Variants in PCDH15 observed in about 807,000 individuals in gnomAD.
PCDH15 encodes protocadherin-15.
A neutral mutation model predicts 178.5 loss-of-function variants in PCDH15; 129 were observed. The observed-to-expected ratio is 0.72, with a 90% CI of 0.63 to 0.84. PCDH15 has a LOEUF of 0.84. Ranked by LOEUF, PCDH15 falls within the 40% of genes least tolerant of loss-of-function variation. PCDH15 has a pLI of 0.00. For synonymous variants in PCDH15, 800 were observed against 732.0 expected (o/e 1.09, Z -1.50); for missense variants, 2,230 against 2,099.9 (o/e 1.06, Z -1.21).
chr10:55,404,828 A>G (rs1446479424), intron 2 of PCDH15, among the ~76,000 whole-genome samples: 1 of 151,864 alleles, frequency 6.6e-6, no homozygotes, highest in East Asian at 1.9e-4. Context: ...AACCTAAATA[A>G]AAGCCTAAAG....
At chr10:53,946,900 C>A (rs919498022) in intron 23 of PCDH15, among the ~76,000 whole-genome samples, 1 of 152,142 alleles carries the variant, frequency 6.6e-6, no homozygotes, top group African/African-American at 2.4e-5. Context: ...CCTCAGCCTC[C>A]TGAGTAGCTG....
intron 2 of PCDH15, among the ~76,000 whole-genome samples, chr10:55,147,463 AT>A (rs34741501): frequency 2.1e-5 from 3 of 140,632 alleles, no homozygotes; most frequent in East Asian, 2.1e-4. Context: ...TTTAAAAAAA[AT>A]TTTTTTGGAA....
At chr10:53,905,964 T>C (rs191272163) in intron 25 of PCDH15, among the ~76,000 whole-genome samples, 2 of 151,994 alleles carry the variant, frequency 1.3e-5, no homozygotes, top group Non-Finnish European at 2.9e-5. Context: ...CTCAAGAACA[T>C]TGTTTAGACT....
At chr10:54,382,528 TA>T (rs1039725844) in intron 3 of PCDH15, among the ~76,000 whole-genome samples, 3 of 152,160 alleles carry the variant, frequency 2.0e-5, no homozygotes, top group African/African-American at 7.2e-5. Flanking sequence ...GACATGCTTC[TA>T]CCCCAAAGAA....
At chr10:53,874,795 CTG>C (rs2080108154) in intron 26 of PCDH15, among the ~76,000 whole-genome samples, 2 of 151,788 alleles carry the variant, frequency 1.3e-5, no homozygotes, top group Admixed American at 1.3e-4. Context: ...TTAGTAGACA[CTG>C]AATATAAAGC....
chr10:54,728,155 T>C (rs1942841079), intron 1 of PCDH15, among the ~76,000 whole-genome samples: 2 of 151,470 alleles, frequency 1.3e-5, no homozygotes, highest in African/African-American at 4.8e-5. Flanking sequence ...CTAATTACTG[T>C]GGTGAATGTA....
At chr10:54,748,446 A>G (rs1175262040) in intron 1 of PCDH15, among the ~76,000 whole-genome samples, 1 of 152,172 alleles carries the variant, frequency 6.6e-6, no homozygotes, top group African/African-American at 2.4e-5. Flanking sequence ...GATGTAGTAA[A>G]GAGTATTTAA....
At chr10:54,166,333 T>A (rs142428078) in intron 13 of PCDH15, among the ~76,000 whole-genome samples, 1 of 152,212 alleles carries the variant, frequency 6.6e-6, no homozygotes, top group Non-Finnish European at 1.5e-5. Flanking sequence ...CAAAATATAG[T>A]CAACTCCTTG....
At chr10:54,545,182 T>C (rs942024936) in intron 2 of PCDH15, among the ~76,000 whole-genome samples, 9 of 152,206 alleles carry the variant, frequency 5.9e-5, no homozygotes, top group African/African-American at 2.2e-4. Flanking sequence ...TTACAGTAGA[T>C]ATAAGAATTC....
chr10:54,099,862 C>T (rs1328507119), intron 15 of PCDH15, among the ~76,000 whole-genome samples: 2 of 151,954 alleles, frequency 1.3e-5, no homozygotes, highest in Non-Finnish European at 2.9e-5. Context: ...AAAAGTAATC[C>T]AGGTCTAGTA....
At chr10:53,818,524 C>A (rs1262766017) in intron 33 of PCDH15, 1 of 152,008 alleles carries the variant, frequency 6.6e-6, no homozygotes, top group African/African-American at 2.4e-5. Flanking sequence ...AAACTATTGG[C>A]TGTCCTTGCA....
chr10:54,905,759 G>T (rs1337809395), intron 2 of PCDH15, among the ~76,000 whole-genome samples: 1 of 152,088 alleles, frequency 6.6e-6, no homozygotes, highest in Non-Finnish European at 1.5e-5. Context: ...CAGGGGTTGA[G>T]ATCTCTGAGT....
At chr10:55,267,638 A>G (rs1250970498) in intron 1 of PCDH15, among the ~76,000 whole-genome samples, 2 of 152,212 alleles carry the variant, frequency 1.3e-5, no homozygotes, top group African/African-American at 4.8e-5. Flanking sequence ...GTCCCTTTTC[A>G]TATTTATTCA....
chr10:54,478,262 G>T (rs1002488487), intron 3 of PCDH15, among the ~76,000 whole-genome samples: 6 of 151,976 alleles, frequency 3.9e-5, no homozygotes, highest in Admixed American at 3.9e-4. Flanking sequence ...TGCAGATTTG[G>T]ATATTTTTTA....
intron 34 of PCDH15, 105 bp from the exon 35 acceptor site, chr10:53,816,382 G>C: frequency 2.5e-6 from 1 of 395,788 alleles, no homozygotes; most frequent in Non-Finnish European, 4.5e-6. Context: ...TTTAAAACGT[G>C]TTTCCTTGGG....
At chr10:55,486,641 T>C (rs943372586) in intron 2 of PCDH15, among the ~76,000 whole-genome samples, 2 of 151,562 alleles carry the variant, frequency 1.3e-5, no homozygotes, top group African/African-American at 4.8e-5. Context: ...CCTAGGCTTG[T>C]ATAGGCTCAT....
chr10:54,309,703 G>C (rs911086563), intron 8 of PCDH15, among the ~76,000 whole-genome samples: 6 of 151,918 alleles, frequency 3.9e-5, no homozygotes, highest in African/African-American at 1.5e-4. Flanking sequence ...GGCTGAGAGA[G>C]GAGAATCACT....
rs12779653 is a variant in PCDH15, at chr10:54,171,822, T to C, written c.1590+11622A>G. 6.5e-3 allele frequency among the ~76,000 whole-genome samples: 980 copies of C among 151,904 alleles called. 12 individuals are homozygous for C. Among genetic ancestry groups the C allele is most frequent in the Non-Finnish European group, 7.4e-3 (500 of 67,986 alleles). Reference sequence around the variant, plus strand: ...ACCGTATCCAGGCCATCACCAATCATTCTATATGACAAATGTTTCTTCTAA... The same window carrying C: ...ACCGTATCCAGGCCATCACCAATCACTCTATATGACAAATGTTTCTTCTAA... On this transcript the variant is annotated intron_variant, in intron 13 of 37. Coordinates refer to ENST00000644397, the MANE Select transcript of PCDH15 (RefSeq NM_001384140.1).
At chr10:55,559,530 T>G (rs983806900) in intron 2 of PCDH15, among the ~76,000 whole-genome samples, 2 of 151,992 alleles carry the variant, frequency 1.3e-5, no homozygotes, top group African/African-American at 4.8e-5. Context: ...TCATGGAGAA[T>G]AGTATCGGAG....
Sources: gnomAD v4.1 joint callset for allele counts (sites outside exome capture counted in the v4.1 genomes callset) on GRCh38, gnomAD v4.1.1 for gene constraint, MANE v1.5 for transcripts, NCBI Gene and HGNC (gene_info 2026-07-23, HGNC 2026-07-21) for gene names.